The following ZFHX3 variants were observed in gnomAD, a reference collection of about 807,000 sequenced individuals.
ZFHX3 encodes zinc finger homeobox 3.
ZFHX3 carries 42 observed loss-of-function variants against 279.1 expected under a neutral mutation model. The observed-to-expected ratio is 0.15, with a 90% confidence interval of 0.12 to 0.19. The LOEUF is 0.19. ZFHX3 is among the 10% of genes least tolerant of loss of function. ZFHX3 has a pLI of 1.00. For synonymous variants in ZFHX3, 2,293 were observed against 1,957.8 expected (o/e 1.17, Z -4.52); for missense variants, 4,981 against 4,754.0 (o/e 1.05, Z -1.40).
At chr16:73,762,507 A>T (rs1424303548) in intron 1 of ZFHX3, among the ~76,000 whole-genome samples, 1 of 152,230 alleles carries the variant, frequency 6.6e-6, no homozygotes, top group Non-Finnish European at 1.5e-5. Flanking sequence ...AAATTATTCT[A>T]TTATAAAGAT....
chr16:73,415,099 G>A (rs761275646), intron 3 of ZFHX3, among the ~76,000 whole-genome samples: 63 of 151,816 alleles, frequency 4.1e-4, no homozygotes, highest in Non-Finnish European at 8.0e-4. Context: ...CCCTTTTGTA[G>A]TTCCAAATGT....
intron 1 of ZFHX3, among the ~76,000 whole-genome samples, chr16:73,693,564 G>A (rs1197082660): frequency 1.3e-5 from 2 of 151,976 alleles, no homozygotes; most frequent in Non-Finnish European, 2.9e-5. Flanking sequence ...TTTCATGAAG[G>A]ATAAGAGGAA....
At chr16:73,498,893 C>T (rs964500523) in intron 2 of ZFHX3, among the ~76,000 whole-genome samples, 22 of 152,208 alleles carry the variant, frequency 1.4e-4, no homozygotes, top group African/African-American at 4.6e-4. Context: ...GTGAGTGCTT[C>T]GGTTCTGATG....
At chr16:73,238,340 C>T (rs2144940360) in intron 5 of ZFHX3, among the ~76,000 whole-genome samples, 1 of 152,272 alleles carries the variant, frequency 6.6e-6, no homozygotes, top group African/African-American at 2.4e-5. Flanking sequence ...AACCCAGGAT[C>T]TCTGGCTCCC....
chr16:73,070,872 C>G (rs1019803949), intron 8 of ZFHX3, among the ~76,000 whole-genome samples: 1 of 150,534 alleles, frequency 6.6e-6, no homozygotes, highest in Non-Finnish European at 1.5e-5. Flanking sequence ...TCACACTTTC[C>G]TTTGTTTTCT....
intron 1 of ZFHX3, among the ~76,000 whole-genome samples, chr16:73,776,479 T>C (rs1270673976): frequency 1.3e-5 from 2 of 152,120 alleles, no homozygotes; most frequent in African/African-American, 4.8e-5. Context: ...CATACACAAG[T>C]GCCTTCTGGC....
chr16:73,086,782 G>A (rs2144772105), intron 8 of ZFHX3, among the ~76,000 whole-genome samples: 1 of 152,118 alleles, frequency 6.6e-6, no homozygotes, highest in Non-Finnish European at 1.5e-5. Flanking sequence ...ATGCACCTGT[G>A]CTCTCAGCTA....
chr16:73,867,541 G>C (rs1962057055), intron 1 of ZFHX3, among the ~76,000 whole-genome samples: 1 of 152,196 alleles, frequency 6.6e-6, no homozygotes, highest in Non-Finnish European at 1.5e-5. Context: ...TTTAGGCTTA[G>C]TGCTTCTTAG....
At chr16:73,220,618 T>C (rs2012382142) in intron 5 of ZFHX3, among the ~76,000 whole-genome samples, 2 of 152,198 alleles carry the variant, frequency 1.3e-5, no homozygotes, top group Admixed American at 1.3e-4. Flanking sequence ...TTCATGCTGC[T>C]ATGTTCATTG....
chr16:73,385,652 A>G (rs2016887994), intron 3 of ZFHX3, among the ~76,000 whole-genome samples: 1 of 152,214 alleles, frequency 6.6e-6, no homozygotes, highest in Non-Finnish European at 1.5e-5. Context: ...TGGCAGCTAT[A>G]CAGCAAATGC....
chr16:73,301,798 T>A (rs1323082399), intron 4 of ZFHX3, among the ~76,000 whole-genome samples: 1 of 149,012 alleles, frequency 6.7e-6, no homozygotes, highest in African/African-American at 2.5e-5. Context: ...TTTAAGATTC[T>A]CTTAACACTA....
At chr16:73,719,212 A>G (rs1441097891) in intron 1 of ZFHX3, among the ~76,000 whole-genome samples, 1 of 152,190 alleles carries the variant, frequency 6.6e-6, no homozygotes, top group Non-Finnish European at 1.5e-5. Flanking sequence ...AGCACTTATC[A>G]TCTATCCCAC....
At chr16:73,647,892 T>C (rs951485945) in intron 2 of ZFHX3, among the ~76,000 whole-genome samples, 4 of 152,172 alleles carry the variant, frequency 2.6e-5, no homozygotes, top group African/African-American at 9.7e-5. Context: ...AAAATCAGTT[T>C]ATAGAAAATA....
At chr16:73,616,476 A>G (rs1338783888) in intron 2 of ZFHX3, among the ~76,000 whole-genome samples, 1 of 149,918 alleles carries the variant, frequency 6.7e-6, no homozygotes, top group Non-Finnish European at 1.5e-5. Flanking sequence ...TGCATTTTCC[A>G]TAGCCATTTA....
At position 72,959,962 on chromosome 16, in the gene ZFHX3, C is replaced by G; in HGVS notation, c.184G>C (p.Ala62Pro). 6.2e-7 allele frequency: 1 copy of G among 1,609,224 alleles called. No homozygotes were observed. The change falls in exon 2 of 10, where the codon GCG becomes CCG. Residue 62 changes from alanine to proline, a missense_variant. Around this residue, in one of 7 missense-constraint regions of ZFHX3, gnomAD observed 1,068 missense variants for 935.2 expected, o/e 1.14. Transcript: ENST00000268489. ...SLRAPFNERLAESTASAGPPS... is the reference protein window; with the variant it reads ...SLRAPFNERLPESTASAGPPS... ...GGCCCGGCCGACGCGGTGCTCTCCGCGAGGCGCTCATTGAAGGGGGCCCTC... is the reference window on the plus strand; with the variant it reads ...GGCCCGGCCGACGCGGTGCTCTCCGGGAGGCGCTCATTGAAGGGGGCCCTC...
intron 4 of ZFHX3, among the ~76,000 whole-genome samples, chr16:73,260,831 C>T (rs1250299867): frequency 6.6e-6 from 1 of 151,882 alleles, no homozygotes; most frequent in Non-Finnish European, 1.5e-5. Flanking sequence ...TACAGGCGCC[C>T]ACCACCATAC....
chr16:73,598,386 A>C (rs1300319539), intron 2 of ZFHX3, among the ~76,000 whole-genome samples: 1 of 151,096 alleles, frequency 6.6e-6, no homozygotes, highest in African/African-American at 2.4e-5. Context: ...TAGGCTGTAA[A>C]TTTCACACTG....
At chr16:73,485,936 T>A (rs1439736497) in intron 2 of ZFHX3, among the ~76,000 whole-genome samples, 1 of 152,206 alleles carries the variant, frequency 6.6e-6, no homozygotes, top group Non-Finnish European at 1.5e-5. Context: ...TAATCACTTT[T>A]CCAAGGCTGT....
At chr16:73,441,143 C>T (rs913486110) in intron 3 of ZFHX3, among the ~76,000 whole-genome samples, 4 of 152,004 alleles carry the variant, frequency 2.6e-5, no homozygotes, top group Non-Finnish European at 4.4e-5. Context: ...ACCCCAGTGC[C>T]CTGAAAGAGT....
Sources: gnomAD v4.1 joint callset for allele counts (sites outside exome capture counted in the v4.1 genomes callset) on GRCh38, gnomAD v4.1.1 for gene constraint, gnomAD v4.1.1 regional missense constraint, MANE v1.5 for transcripts, NCBI Gene and HGNC (gene_info 2026-07-23, HGNC 2026-07-21) for gene names.